Variants in JPH1 observed in about 807,000 individuals in gnomAD.
JPH1 encodes junctophilin 1.
Under a neutral mutation model 53.6 loss-of-function variants are expected in JPH1, and 12 were observed. The ratio of observed to expected loss-of-function variants is 0.22; its 90% CI spans 0.14 to 0.36. JPH1 has a LOEUF of 0.36. Among genes scored for constraint, JPH1 ranks in the 10% least tolerant of loss-of-function variants. The pLI is 1.00. For missense variants in JPH1, 808 were observed against 905.5 expected (o/e 0.89, Z 1.38); for synonymous variants, 375 against 363.8 (o/e 1.03, Z -0.35).
intron 2 of JPH1, among the ~76,000 whole-genome samples, chr8:74,287,731 G>A (rs1183145791): frequency 6.6e-6 from 1 of 151,436 alleles, no homozygotes; most frequent in African/African-American, 2.4e-5. Context: ...TCCACTCAGT[G>A]ACGTGAAATT....
At position 74,314,913 on chromosome 8, in the gene JPH1, C is replaced by A; in HGVS notation, c.1087G>T (p.Ala363Ser). The A allele has an allele frequency of 6.2e-7, 1 of 1,614,212 alleles. No homozygotes were observed. Among genetic ancestry groups the A allele is most frequent in the Non-Finnish European group, 8.5e-7 (1 of 1,180,046 alleles). Reference protein sequence around the residue: ...REKVDRAIEGAQRAAAMARTK... With the variant: ...REKVDRAIEGSQRAAAMARTK... ...CTGGCCATGGCAGCTGCCCTTTGGGCGCCTTCAATTGCTCTGTCCACCTTC... is the reference window on the plus strand; with the variant it reads ...CTGGCCATGGCAGCTGCCCTTTGGGAGCCTTCAATTGCTCTGTCCACCTTC... Residue 363 changes from alanine (A) to serine (S), a missense_variant, in exon 2 of 6, where the codon GCC (alanine) becomes TCC (serine). Physicochemically the swap from Ala to Ser is moderately conservative, Grantham distance 99 (BLOSUM62 1). Transcript: ENST00000342232.
At chr8:74,290,709 C>T (rs1807300047) in intron 2 of JPH1, among the ~76,000 whole-genome samples, 1 of 152,212 alleles carries the variant, frequency 6.6e-6, no homozygotes, top group African/African-American at 2.4e-5. Flanking sequence ...CTGGAGGCAT[C>T]ACGCTACCTG....
chr8:74,308,296 C>T (rs1363705785), intron 2 of JPH1, among the ~76,000 whole-genome samples: 1 of 152,230 alleles, frequency 6.6e-6, no homozygotes, highest in Non-Finnish European at 1.5e-5. Flanking sequence ...AACAGTTTGG[C>T]TCAACCTGAT....
At chr8:74,256,109 AC>A (rs1372304815) in intron 3 of JPH1, among the ~76,000 whole-genome samples, 1 of 152,210 alleles carries the variant, frequency 6.6e-6, no homozygotes, top group Non-Finnish European at 1.5e-5. Flanking sequence ...TTATTGCAGC[AC>A]TATTGACAAT....
intron 3 of JPH1, among the ~76,000 whole-genome samples, chr8:74,248,710 C>T (rs377091383): frequency 2.6e-5 from 4 of 152,134 alleles, no homozygotes; most frequent in South Asian, 2.1e-4. Context: ...TAAAACAAGA[C>T]GTTTAATATA....
Position 74,236,556 on chromosome 8 carries a change from A to G in JPH1, c.*495T>C, listed in dbSNP as rs1170243078. 4 of 152,530 alleles carry G rather than the reference A, an allele frequency of 2.6e-5. No homozygotes were observed. Among genetic ancestry groups the G allele is most frequent in the Non-Finnish European group, 5.9e-5 (4 of 68,040 alleles). The allele number at this position is 152,530 out of a possible 1,614,324, so 9.4% of individuals were successfully genotyped here. On this transcript the variant is annotated 3_prime_UTR_variant, in exon 6 of 6. Coordinates refer to ENST00000342232, the MANE Select transcript of JPH1 (RefSeq NM_020647.4). Reference sequence around the variant, plus strand: ...GAGTGAATGTTGGAACCACGTCCACAGCAACACAATCCTCCGACCGCATTC... The same window carrying G: ...GAGTGAATGTTGGAACCACGTCCACGGCAACACAATCCTCCGACCGCATTC...
chr8:74,269,731 CAG>C (rs1054046201), intron 2 of JPH1, among the ~76,000 whole-genome samples: 1 of 152,142 alleles, frequency 6.6e-6, no homozygotes, highest in Admixed American at 6.5e-5. Context: ...ACCTGAGACT[CAG>C]AGAGATTAAG....
intron 2 of JPH1, among the ~76,000 whole-genome samples, chr8:74,298,944 T>C (rs1358821918): frequency 6.6e-6 from 1 of 152,182 alleles, no homozygotes; most frequent in Non-Finnish European, 1.5e-5. Context: ...CAACCCAGAA[T>C]ATCAGGAGAA....
intron 1 of JPH1, among the ~76,000 whole-genome samples, chr8:74,316,947 G>A (rs937748308): frequency 6.6e-6 from 1 of 152,154 alleles, no homozygotes; most frequent in African/African-American, 2.4e-5. Flanking sequence ...AATTACTTCT[G>A]TGTTATTCAT....
chr8:74,259,074 C>T (rs558026528), intron 3 of JPH1, among the ~76,000 whole-genome samples: 11 of 152,282 alleles, frequency 7.2e-5, no homozygotes, highest in Admixed American at 7.2e-4. Flanking sequence ...TATAAAATTA[C>T]CTCCAGGCTA....
intron 3 of JPH1, among the ~76,000 whole-genome samples, chr8:74,255,206 A>G (rs1489485932): frequency 6.6e-6 from 1 of 152,154 alleles, no homozygotes; most frequent in Non-Finnish European, 1.5e-5. Context: ...GATATAGACC[A>G]ATGGAACAGA....
chr8:74,244,567 T>C lies in JPH1; in HGVS notation c.1867A>G (p.Asn623Asp). 1 of 1,612,948 alleles carries C rather than the reference T, an allele frequency of 6.2e-7. No individual in the cohort carries two copies. The highest frequency in any genetic ancestry group is 8.5e-7 in the Non-Finnish European group (1 of 1,179,564). ...ELAIPKNPASNDSCPALEKEA... is the reference protein window; with the variant it reads ...ELAIPKNPASDDSCPALEKEA... ...TTTTCCAAAGCAGGGCATGAATCGT[T>C]GCTTGCTGGATTCTTTGGTATAGCA... The change falls in exon 4 of 6, where the codon AAC becomes GAC. Residue 623 changes from asparagine to aspartate, a missense_variant. Physicochemically the swap from Asn to Asp is conservative, Grantham distance 23 (BLOSUM62 1). Transcript: ENST00000342232.
At chr8:74,303,083 C>T (rs1399337950) in intron 2 of JPH1, among the ~76,000 whole-genome samples, 1 of 152,100 alleles carries the variant, frequency 6.6e-6, no homozygotes, top group Non-Finnish European at 1.5e-5. Context: ...ATTGCATTGT[C>T]ATAAGGCAAC....
At chr8:74,284,792 G>T (rs755458281) in intron 2 of JPH1, among the ~76,000 whole-genome samples, 1 of 146,660 alleles carries the variant, frequency 6.8e-6, no homozygotes, top group Admixed American at 6.8e-5. Context: ...TTCATAGACC[G>T]GTATGTGCTG....
chr8:74,250,452 T>C (rs1806012970), intron 3 of JPH1, among the ~76,000 whole-genome samples: 1 of 152,116 alleles, frequency 6.6e-6, no homozygotes, highest in African/African-American at 2.4e-5. Flanking sequence ...ACTGAAACAG[T>C]GGGAGAAAGA....
chr8:74,271,249 C>A (rs1304169657), intron 2 of JPH1, among the ~76,000 whole-genome samples: 2 of 152,056 alleles, frequency 1.3e-5, no homozygotes, highest in Non-Finnish European at 2.9e-5. Flanking sequence ...TACCCACCAA[C>A]ACCCCAGGCC....
chr8:74,271,599 TG>T (rs1806701876), intron 2 of JPH1, among the ~76,000 whole-genome samples: 1 of 152,230 alleles, frequency 6.6e-6, no homozygotes, highest in Non-Finnish European at 1.5e-5. Context: ...CAGAGAACCC[TG>T]TAGCCATGAG....
chr8:74,245,338 GCT>G (rs1218538615), intron 3 of JPH1, among the ~76,000 whole-genome samples, 163 bp from the exon 4 acceptor site: 2 of 152,094 alleles, frequency 1.3e-5, no homozygotes, highest in Non-Finnish European at 1.5e-5. Context: ...TTATGGAAAG[GCT>G]GCTTTTAAGA....
intron 2 of JPH1, among the ~76,000 whole-genome samples, chr8:74,304,325 C>T (rs901004270): frequency 3.9e-5 from 6 of 152,346 alleles, no homozygotes; most frequent in East Asian, 3.9e-4. Flanking sequence ...TGGGCCTGGG[C>T]TACCATCACC....
Sources: gnomAD v4.1 joint callset for allele counts (sites outside exome capture counted in the v4.1 genomes callset) on GRCh38, gnomAD v4.1.1 for gene constraint, MANE v1.5 for transcripts, NCBI Gene and HGNC (gene_info 2026-07-23, HGNC 2026-07-21) for gene names.